Variants in TRDN observed in about 807,000 individuals in gnomAD.
TRDN encodes triadin.
TRDN carries 161 observed loss-of-function variants against 149.7 expected under a neutral mutation model. That is an observed-to-expected ratio of 1.08 (90% CI 0.95 to 1.23). TRDN has a LOEUF of 1.23. TRDN is among the 50% of genes most tolerant of loss of function. The pLI is 0.00. For synonymous variants in TRDN, 294 were observed against 250.5 expected (o/e 1.17, Z -1.64); for missense variants, 896 against 823.5 (o/e 1.09, Z -1.08).
At chr6:123,593,871 A>C (rs1182459945) in intron 1 of TRDN, among the ~76,000 whole-genome samples, 1 of 152,204 alleles carries the variant, frequency 6.6e-6, no homozygotes, top group African/African-American at 2.4e-5. Context: ...ATCTTTTAAA[A>C]GTTTAAGTTA....
At chr6:123,569,590 G>A (rs1253250210) in intron 2 of TRDN, among the ~76,000 whole-genome samples, 1 of 152,166 alleles carries the variant, frequency 6.6e-6, no homozygotes, top group East Asian at 1.9e-4. Flanking sequence ...CAGTTATACA[G>A]GTTGTACAGG....
chr6:123,497,075 T>C, intron 9 of TRDN, 118 bp downstream of exon 9: 2 of 695,600 alleles, frequency 2.9e-6, no homozygotes, highest in Non-Finnish European at 2.2e-6. Context: ...TTATTCTAGA[T>C]CTACACATGC....
chr6:123,503,569 T>C (rs1220418158), intron 8 of TRDN, 150 bp downstream of exon 8: 2 of 1,448,942 alleles, frequency 1.4e-6, no homozygotes, highest in East Asian at 2.5e-5. Context: ...CCCAATTTAC[T>C]GTATTTCTTT....
At chr6:123,343,866 A>G (rs540659062) in intron 21 of TRDN, among the ~76,000 whole-genome samples, 3 of 152,048 alleles carry the variant, frequency 2.0e-5, no homozygotes, top group African/African-American at 7.2e-5. Context: ...TTCAAAATTC[A>G]TATGTTGAAA....
At chr6:123,334,864 A>G (rs891097932) in intron 22 of TRDN, among the ~76,000 whole-genome samples, 1 of 152,062 alleles carries the variant, frequency 6.6e-6, no homozygotes, top group African/African-American at 2.4e-5. Flanking sequence ...GCTGGTTTTA[A>G]ACTTGAAGCA....
intron 9 of TRDN, among the ~76,000 whole-genome samples, chr6:123,484,235 G>A (rs758973901): frequency 2.0e-5 from 3 of 152,018 alleles, no homozygotes; most frequent in African/African-American, 4.8e-5. Flanking sequence ...TTAGGTATGG[G>A]CATATTTATT....
chr6:123,444,651 G>T (rs1426437736), intron 10 of TRDN, among the ~76,000 whole-genome samples: 1 of 151,606 alleles, frequency 6.6e-6, no homozygotes, highest in African/African-American at 2.4e-5. Flanking sequence ...GATATTGGCT[G>T]TGGGTTTGTC....
Position 123,393,743 on chromosome 6 carries a change from G to A in TRDN, c.1052-66C>T, listed in dbSNP as rs184449596. On this transcript the variant is annotated intron_variant, in intron 12 of 40. Transcript: ENST00000334268. ...TTGGAAAAATATATAAATAAAAAAG[G>A]GACAGGGGAGCACAAACACAAACGA... 15 of 1,425,588 alleles carry A rather than the reference G, an allele frequency of 1.1e-5. No homozygotes were observed. The East Asian group carries it at 3.0e-4, about 28-fold the overall frequency. The allele number at this position is 1,425,588 out of a possible 1,614,324, so 88.3% of individuals were successfully genotyped here.
intron 13 of TRDN, among the ~76,000 whole-genome samples, chr6:123,392,143 T>C (rs1012264825): frequency 4.6e-5 from 7 of 152,190 alleles, no homozygotes; most frequent in African/African-American, 1.4e-4. Context: ...AACAAGACTT[T>C]GAAACTCTTG....
At chr6:123,332,005 G>A (rs1779676992) in intron 22 of TRDN, 76 bp from the exon 23 acceptor site, 2 of 1,145,820 alleles carry the variant, frequency 1.7e-6, no homozygotes, top group African/African-American at 1.6e-5. Flanking sequence ...AAGTCAGTAA[G>A]CTGAAAGTAT....
At chr6:123,487,081 A>C (rs2114785372) in intron 9 of TRDN, among the ~76,000 whole-genome samples, 1 of 152,094 alleles carries the variant, frequency 6.6e-6, no homozygotes, top group East Asian at 1.9e-4. Context: ...GTCATTATAT[A>C]TGTGCTCAAG....
At position 123,218,665 on chromosome 6, in the gene TRDN, G is replaced by T. The variant is rs876658032; in HGVS notation, c.2126C>A (p.Ala709Glu). Residue 709 changes from alanine (A) to glutamate (E), a missense_variant, in exon 41 of 41, where the codon GCA (alanine) becomes GAA (glutamate). Physicochemically the swap from Ala to Glu is moderately radical, Grantham distance 107. Transcript: ENST00000334268. ...ACCAGAGCTCTCTCCAGGGCGGTCTGCAGGAGTGAAAGGAAACTGAAATCC... is the reference window on the plus strand; with the variant it reads ...ACCAGAGCTCTCTCCAGGGCGGTCTTCAGGAGTGAAAGGAAACTGAAATCC... ...GYGFQFPFTP[A>E]DRPGESSGQA... 6.2e-7 allele frequency: 1 copy of T among 1,609,560 alleles called. No homozygotes were observed. Among genetic ancestry groups the T allele is most frequent in the African/African-American group, 1.3e-5 (1 of 74,886 alleles).
intron 1 of TRDN, among the ~76,000 whole-genome samples, chr6:123,604,381 A>G (rs1270732781): frequency 6.6e-6 from 1 of 152,230 alleles, no homozygotes; most frequent in Non-Finnish European, 1.5e-5. Context: ...CTTGTAGCAA[A>G]ATGGAGAGGG....
chr6:123,451,621 A>C (rs9490766), intron 10 of TRDN, among the ~76,000 whole-genome samples: 22,935 of 151,754 alleles, frequency 0.15, 2,239 homozygotes, highest in African/African-American at 0.28. Flanking sequence ...AATTACCAAC[A>C]AAAAAAAGTC....
intron 6 of TRDN, among the ~76,000 whole-genome samples, chr6:123,515,630 G>A (rs1329770227): frequency 6.6e-6 from 1 of 151,848 alleles, no homozygotes; most frequent in Non-Finnish European, 1.5e-5. Flanking sequence ...TCACATGAGT[G>A]GTCTACTGTA....
intron 13 of TRDN, among the ~76,000 whole-genome samples, chr6:123,389,873 T>A (rs1381093228): frequency 6.6e-6 from 1 of 152,084 alleles, no homozygotes; most frequent in African/African-American, 2.4e-5. Context: ...ACACCGAAAA[T>A]GAATTAAATG....
intron 2 of TRDN, among the ~76,000 whole-genome samples, chr6:123,553,372 G>A (rs982321326): frequency 6.6e-6 from 1 of 152,106 alleles, no homozygotes; most frequent in Non-Finnish European, 1.5e-5. Flanking sequence ...ACAACTAAGA[G>A]GTGGAGTCTC....
chr6:123,311,586 C>T (rs1474443469), intron 24 of TRDN, among the ~76,000 whole-genome samples: 1 of 151,944 alleles, frequency 6.6e-6, no homozygotes, highest in Middle Eastern at 3.2e-3. Flanking sequence ...TACTTGCCCC[C>T]AAACAAAATG....
chr6:123,421,512 C>T (rs1773899236), intron 12 of TRDN: 1 of 152,114 alleles, frequency 6.6e-6, no homozygotes, highest in Non-Finnish European at 1.5e-5. Context: ...ACTGTCTCTG[C>T]TGTTCTCTCT....
Sources: allele counts gnomAD v4.1 joint callset (sites outside exome capture counted in the v4.1 genomes callset), GRCh38; gene constraint gnomAD v4.1.1; transcripts MANE v1.5; gene names NCBI Gene and HGNC (gene_info 2026-07-23, HGNC 2026-07-21).